CAMSAP3: variants seen among roughly 807,000 people sequenced by gnomAD.
CAMSAP3 encodes calmodulin-regulated spectrin-associated protein 3.
CAMSAP3 carries 34 observed loss-of-function variants against 112.5 expected under a neutral mutation model. That is an observed-to-expected ratio of 0.30 (90% CI 0.23 to 0.40). The LOEUF (loss-of-function observed/expected upper bound fraction) is 0.40, where lower values mean the gene tolerates loss of function less well. Among genes scored for constraint, CAMSAP3 ranks in the 10% least tolerant of loss-of-function variants. The pLI is 1.00. For missense variants in CAMSAP3, 1,602 were observed against 1,770.3 expected, an observed-to-expected ratio of 0.90 and a Z score of 1.71; for synonymous variants, 868 against 799.8, an observed-to-expected ratio of 1.09 and a Z score of -1.44.
rs569691226 is a variant in CAMSAP3 at position 7,617,729 on chromosome 19, C to T, written c.3445-23C>T. ...TGGGTGGCCTGACTTGGCCAGCTGA[C>T]CATTTCCAGCACTCCTGCCCAGGAA... is the stretch of plus-strand genomic sequence containing the variant. On this transcript the variant is annotated intron_variant, in intron 16 of 16. Transcript: ENST00000160298. This position sits in a 1 kb window ranked among gnomAD's most constrained non-coding sequence, Gnocchi z 7.5. 6.2e-6 allele frequency: 10 copies of T among 1,612,184 alleles called. No individual in the cohort carries two copies. In the African/African-American group the frequency reaches 9.3e-5, roughly 15 times the overall value.
chr19:7,605,216 GC>G lies in CAMSAP3; in HGVS notation c.149-5del. On this transcript the variant is annotated splice_polypyrimidine_tract_variant and intron_variant, in intron 1 of 16. Transcript: ENST00000160298. ...CCTGACCCCCGTGTTTCCCCTCTAT[GC>G]CCCCACAGAGCACGTGCCCCCGGAG... is the stretch of plus-strand genomic sequence containing the variant. 2.0e-6 allele frequency: 3 copies of G among 1,488,872 alleles called. No homozygotes were observed. The highest frequency in any genetic ancestry group is 1.3e-5 in the South Asian group (1 of 76,080). The allele number at this position is 1,488,872 out of a possible 1,614,324, so 92.2% of individuals were successfully genotyped here. A position where few individuals can be genotyped will look rare whatever the true frequency, so the allele number is the denominator to read the frequency against.
chr19:7,598,855 C>G (rs2029862117), intron 1 of CAMSAP3, among the ~76,000 whole-genome samples: 1 of 152,064 alleles, frequency 6.6e-6, no homozygotes, highest in Admixed American at 6.6e-5. Context: ...GCCTTCAGAA[C>G]AGATGTGTGA....
rs535200484 is a variant in CAMSAP3, at chr19:7,595,945, G to GCAGCC, written c.-44_-40dup. On this transcript the variant is annotated 5_prime_UTR_variant, in exon 1 of 17. Transcript: ENST00000160298. Reference sequence around the variant, plus strand: ...GGCCCGGCTGGGGCGCGAGCGCGGCGCAGCCCAGCCCAGCCCAGTCCGAGC... The same window carrying GCAGCC: ...GGCCCGGCTGGGGCGCGAGCGCGGCGCAGCCCAGCCCAGCCCAGCCCAGTCCGAGC... 51 of 905,148 alleles carry GCAGCC rather than the reference G, an allele frequency of 5.6e-5. No individual in the cohort carries two copies. The highest frequency in any genetic ancestry group is 1.6e-4 in the African/African-American group (9 of 54,982). 56.1% of individuals were successfully genotyped at this position (905,148 alleles called of 1,614,324 possible).
intron 2 of CAMSAP3, 110 bp from the exon 3 acceptor site, chr19:7,606,161 C>CCCCCCCCCCCCCA: frequency 1.4e-6 from 1 of 691,688 alleles, no homozygotes; most frequent in South Asian, 1.7e-5. Flanking sequence ...GCCCCACCCC[C>CCCCCCCCCCCCCA]CCCGTCAAGT....
Position 7,607,824 on chromosome 19 carries a change from G to T in CAMSAP3, c.622-302G>T. 1 of 1,320,946 alleles carries T rather than the reference G, an allele frequency of 7.6e-7. No individual in the cohort carries two copies. Among genetic ancestry groups the T allele is most frequent in the Non-Finnish European group, 1.0e-6 (1 of 985,052 alleles). The allele number at this position is 1,320,946 out of a possible 1,614,324, so 81.8% of individuals were successfully genotyped here. Reference sequence around the variant, plus strand: ...ATGGCTGCTCCTCTCCCCCCAGCACGCAATTGCCTTCTGTTTGAAGGAGTC... The same window carrying T: ...ATGGCTGCTCCTCTCCCCCCAGCACTCAATTGCCTTCTGTTTGAAGGAGTC... On this transcript the variant is annotated intron_variant, in intron 4 of 16. Coordinates refer to ENST00000160298, the MANE Select transcript of CAMSAP3 (RefSeq NM_020902.2). The surrounding 1 kb of genome is among the most constrained non-coding windows in gnomAD (Gnocchi z 4.9).
chr19:7,616,064 G>C (rs970645461), intron 13 of CAMSAP3, among the ~76,000 whole-genome samples: 7 of 152,020 alleles, frequency 4.6e-5, no homozygotes, highest in Admixed American at 6.5e-5. Flanking sequence ...TGGCATGCCT[G>C]TAGTCCCAGC....
rs1183511109 is a variant in CAMSAP3, at chr19:7,601,764, T to TA, written c.149-3458dup. ...AAATAAAATAAAATAAATGAATAAA[T>TA]AAAATAAAAAGAAAGTGGGGCCAGG... On this transcript the variant is annotated intron_variant, in intron 1 of 16. Coordinates refer to ENST00000160298, the MANE Select transcript of CAMSAP3 (RefSeq NM_020902.2). Among the ~76,000 whole-genome samples, 587 of 132,732 alleles carry TA rather than the reference T, an allele frequency of 4.4e-3. 4 individuals carry two copies. The highest frequency in any genetic ancestry group is 0.016 in the African/African-American group (548 of 33,476). The allele number at this position is 132,732 out of a possible 152,430, so 87.1% of individuals were successfully genotyped here. A position where few individuals can be genotyped will look rare whatever the true frequency, so the allele number is the denominator to read the frequency against.
chr19:7,600,883 T>TATCC lies in CAMSAP3; in HGVS notation c.149-4325_149-4322dup, dbSNP rs773405101. ...CCATCCACCCACCCATTCATCCATT[T>TATCC]ATCCATCCATCCATCCATCCACCCA... On this transcript the variant is annotated intron_variant, in intron 1 of 16. Coordinates refer to ENST00000160298, the MANE Select transcript of CAMSAP3 (RefSeq NM_020902.2). Among the ~76,000 whole-genome samples, 13 of 86,406 alleles carry TATCC rather than the reference T, an allele frequency of 1.5e-4. No homozygotes were observed. The East Asian group carries it at 1.9e-3, about 13-fold the overall frequency. The allele number at this position is 86,406 out of a possible 152,430, so 56.7% of individuals were successfully genotyped here. A position where few individuals can be genotyped will look rare whatever the true frequency, so the allele number is the denominator to read the frequency against.
At position 7,617,238 on chromosome 19, in the gene CAMSAP3, C is replaced by A; in HGVS notation, c.3213-88C>A. ...AGCCGTGGCCCTTATTTTCCTTGGCCCCTCTGCACATAGGGAAGCTTCCCA... is the reference window on the plus strand; with the variant it reads ...AGCCGTGGCCCTTATTTTCCTTGGCACCTCTGCACATAGGGAAGCTTCCCA... On this transcript the variant is annotated intron_variant, in intron 14 of 16. Transcript: ENST00000160298. This position sits in a 1 kb window ranked among gnomAD's most constrained non-coding sequence, Gnocchi z 7.5. 1 of 925,340 alleles carries A rather than the reference C, an allele frequency of 1.1e-6. No homozygotes were observed. The highest frequency in any genetic ancestry group is 1.8e-6 in the Non-Finnish European group (1 of 561,874). 57.3% of individuals were successfully genotyped at this position (925,340 alleles called of 1,614,324 possible). A position where few individuals can be genotyped will look rare whatever the true frequency, so the allele number is the denominator to read the frequency against.
chr19:7,608,833 C>G (rs942689072), intron 5 of CAMSAP3, among the ~76,000 whole-genome samples: 5 of 151,768 alleles, frequency 3.3e-5, no homozygotes, highest in Non-Finnish European at 7.4e-5. Context: ...CGGGTTTCAC[C>G]GTGTTGGCCA....
chr19:7,598,673 A>G (rs185058546), intron 1 of CAMSAP3, among the ~76,000 whole-genome samples: 1 of 152,332 alleles, frequency 6.6e-6, no homozygotes, highest in African/African-American at 2.4e-5. Flanking sequence ...CTGTAGTCCC[A>G]GCTACTTGGG....
Position 7,605,464 on chromosome 19 carries a change from C to G in CAMSAP3, c.387C>G (p.His129Gln). ...ERPVREADLR[H>Q]QPILMGAHLA... ...CGGTGCGCGAGGCCGACCTGAGGCA[C>G]CAGCCCATTCTCATGGTAGGCCCCG... is the stretch of plus-strand genomic sequence containing the variant. The change falls in exon 2 of 17, where the codon CAC (histidine) becomes CAG (glutamine). Residue 129 changes from histidine to glutamine, a missense_variant. His to Gln is a conservative substitution (Grantham distance 24, BLOSUM62 0). Transcript: ENST00000160298. 1 of 1,456,926 alleles carries G rather than the reference C, an allele frequency of 6.9e-7. No individual in the cohort carries two copies. The highest frequency in any genetic ancestry group is 9.1e-7 in the Non-Finnish European group (1 of 1,102,918). The allele number at this position is 1,456,926 out of a possible 1,614,324, so 90.2% of individuals were successfully genotyped here.
rs2030470402 is a variant in CAMSAP3, at chr19:7,611,242, G to A, written c.1123+74G>A. On this transcript the variant is annotated intron_variant, in intron 9 of 16. Coordinates refer to ENST00000160298, the MANE Select transcript of CAMSAP3 (RefSeq NM_020902.2). This position sits in a 1 kb window ranked among gnomAD's most constrained non-coding sequence, Gnocchi z 6.9. ...AGACTGCCCCAGTGGGCCTCATGTT[G>A]TCTCCTCGTGAGCCTTCCAATAGCC... 3.5e-6 allele frequency: 5 copies of A among 1,445,336 alleles called. No individual in the cohort carries two copies. The highest frequency in any genetic ancestry group is 4.8e-6 in the Non-Finnish European group (5 of 1,033,036). The allele number at this position is 1,445,336 out of a possible 1,614,324, so 89.5% of individuals were successfully genotyped here.
At chr19:7,614,862 G>A (rs969743709) in intron 11 of CAMSAP3, 10 of 469,854 alleles carry the variant, frequency 2.1e-5, no homozygotes, top group Non-Finnish European at 3.1e-5. Flanking sequence ...GGTGTCTCCA[G>A]GCCAGGCCGG....
Position 7,607,815 on chromosome 19 carries a change from C to A in CAMSAP3, c.622-311C>A. ...CCCTTGCTGATGGCTGCTCCTCTCC[C>A]CCCAGCACGCAATTGCCTTCTGTTT... is the stretch of plus-strand genomic sequence containing the variant. On this transcript the variant is annotated intron_variant, in intron 4 of 16. Transcript: ENST00000160298. This position sits in a 1 kb window ranked among gnomAD's most constrained non-coding sequence, Gnocchi z 4.9. 2 of 1,332,712 alleles carry A rather than the reference C, an allele frequency of 1.5e-6. No homozygotes were observed. The highest frequency in any genetic ancestry group is 1.0e-6 in the Non-Finnish European group (1 of 980,118). The allele number at this position is 1,332,712 out of a possible 1,614,324, so 82.6% of individuals were successfully genotyped here.
Position 7,615,680 on chromosome 19 carries a change from G to A in CAMSAP3, c.3073G>A (p.Asp1025Asn). ...ATRPRSGCCDDSALARSPARG... is the reference protein window; with the variant it reads ...ATRPRSGCCDNSALARSPARG... ...CCGGCCTCGCTCGGGTTGCTGTGAC[G>A]ACTCAGCCCTGGCACGAAGCCCAGC... Residue 1025 changes from aspartate to asparagine, a missense_variant, in exon 13 of 17, where the codon GAC becomes AAC. Transcript: ENST00000160298. The surrounding 1 kb of genome is among the most constrained non-coding windows in gnomAD (Gnocchi z 6.5). 1 of 1,424,042 alleles carries A rather than the reference G, an allele frequency of 7.0e-7. No homozygotes were observed. The highest frequency in any genetic ancestry group is 9.1e-7 in the Non-Finnish European group (1 of 1,094,476). The allele number at this position is 1,424,042 out of a possible 1,614,324, so 88.2% of individuals were successfully genotyped here.
chr19:7,609,774 T>A (rs2030380336), intron 5 of CAMSAP3, among the ~76,000 whole-genome samples: 1 of 152,032 alleles, frequency 6.6e-6, no homozygotes, highest in Non-Finnish European at 1.5e-5. Flanking sequence ...CAGTGACAGA[T>A]CATCAGGCAT....
chr19:7,596,647 A>G (rs2024449673), intron 1 of CAMSAP3, among the ~76,000 whole-genome samples: 1 of 151,626 alleles, frequency 6.6e-6, no homozygotes. Flanking sequence ...CCACCACCGC[A>G]CGACCCCCAG....
In CAMSAP3 at chr19:7,617,935, C is replaced by G. The variant is rs1354076030; in HGVS notation, c.3628C>G (p.Arg1210Gly). The change falls in exon 17 of 17, where the codon CGC becomes GGC. Residue 1210 changes from arginine to glycine, a missense_variant. Arg to Gly is a moderately radical substitution (Grantham distance 125, BLOSUM62 -2). Coordinates refer to ENST00000160298, the MANE Select transcript of CAMSAP3 (RefSeq NM_020902.2). This position sits in a 1 kb window ranked among gnomAD's most constrained non-coding sequence, Gnocchi z 7.5. ...CTACAAGTACAACTCGGACCGCAAGCGCTTCACCCAGATCCCCGCCAAGAC... is the reference window on the plus strand; with the variant it reads ...CTACAAGTACAACTCGGACCGCAAGGGCTTCACCCAGATCCCCGCCAAGAC... ...GIYKYNSDRK[R>G]FTQIPAKTMS... The G allele has an allele frequency of 1.2e-6, 2 of 1,614,112 alleles. No individual in the cohort carries two copies. Among genetic ancestry groups the G allele is most frequent in the Non-Finnish European group, 1.7e-6 (2 of 1,180,018 alleles).
Sources: allele counts gnomAD v4.1 joint callset (sites outside exome capture counted in the v4.1 genomes callset), GRCh38; gene constraint gnomAD v4.1.1; non-coding constraint Gnocchi (gnomAD v3.1); transcripts MANE v1.5; gene names NCBI Gene and HGNC (gene_info 2026-07-23, HGNC 2026-07-21).